ABLIM1: variants seen among roughly 807,000 people sequenced by gnomAD.
ABLIM1 encodes the protein actin-binding LIM protein 1.
ABLIM1 carries 40 observed loss-of-function variants against 107.0 expected under a neutral mutation model. The observed-to-expected ratio is 0.37, with a 90% confidence interval of 0.29 to 0.49. The LOEUF (loss-of-function observed/expected upper bound fraction) is 0.49, where lower values mean the gene tolerates loss of function less well. ABLIM1 is among the 20% of genes least tolerant of loss of function. The pLI, the probability that ABLIM1 is intolerant of heterozygous loss-of-function variation, is 0.97. For missense variants in ABLIM1, 857 were observed against 1,008.5 expected (o/e 0.85, Z 2.04); for synonymous variants, 357 against 357.3 (o/e 1.00, Z 0.01).
rs987750556 is a variant in ABLIM1 at position 114,606,483 on chromosome 10, C to T, written c.245-4522G>A. On this transcript the variant is annotated intron_variant, in intron 1 of 22. Transcript: ENST00000533213. ...TCTCTTGACCTTGTGATCCGCCCGC[C>T]GTGGCCTCCCAAAGTGCTGAGATTA... Among the ~76,000 whole-genome samples, 6 of 152,252 alleles carry T rather than the reference C, an allele frequency of 3.9e-5. No homozygotes were observed. In the East Asian group the frequency reaches 5.8e-4, roughly 15 times the overall value.
At chr10:114,526,999 A>G in intron 6 of ABLIM1, 1 of 982,818 alleles carries the variant, frequency 1.0e-6, no homozygotes, top group Non-Finnish European at 1.2e-6. Flanking sequence ...GAGGGGGAGT[A>G]GATTTACTTT....
At chr10:114,536,227 G>C (rs374173684) in intron 6 of ABLIM1, among the ~76,000 whole-genome samples, 1,729 of 56,234 alleles carry the variant, frequency 0.031, 25 homozygotes, top group African/African-American at 0.094. Context: ...TTCTTTCTTT[G>C]TTTTTTTTTT....
In ABLIM1 at chr10:114,436,254, T is replaced by A. The variant is rs1400101017; in HGVS notation, c.*6A>T. On this transcript the variant is annotated 3_prime_UTR_variant, in exon 23 of 23. Coordinates refer to ENST00000533213, the MANE Select transcript of ABLIM1 (RefSeq NM_002313.7). ...CCTTTCTCTAATTGCCATTCACGAG[T>A]GGGACTTAGAAGAGTTTTGCTTTTT... 5 of 1,607,396 alleles carry A rather than the reference T, an allele frequency of 3.1e-6. No individual in the cohort carries two copies. In the Admixed American group the frequency reaches 5.0e-5, roughly 16 times the overall value.
chr10:114,760,404 T>TCACACACACA (rs3981296), intron 1 of ABLIM1, among the ~76,000 whole-genome samples: 1 of 143,630 alleles, frequency 7.0e-6, no homozygotes, highest in Non-Finnish European at 1.5e-5. Flanking sequence ...AATTTCTCCT[T>TCACACACACA]CACACACACA....
chr10:114,504,210 C>T (rs968698757), intron 6 of ABLIM1, among the ~76,000 whole-genome samples: 1 of 152,134 alleles, frequency 6.6e-6, no homozygotes, highest in Non-Finnish European at 1.5e-5. Flanking sequence ...GTTAACAATA[C>T]CCTTTGTACT....
chr10:114,728,025 AAAC>A (rs1392927045), intron 1 of ABLIM1, among the ~76,000 whole-genome samples: 1 of 152,254 alleles, frequency 6.6e-6, no homozygotes, highest in East Asian at 1.9e-4. Context: ...CAGAATTTAC[AAAC>A]AACACCTACA....
At chr10:114,792,402 T>C in the ABLIM1 span, among the ~76,000 whole-genome samples, 1 of 152,240 alleles carries the variant, frequency 6.6e-6, no homozygotes, top group Admixed American at 6.5e-5. Context: ...AGTATTCTTA[T>C]AAGCTTTATT....
chr10:114,437,750 G>C, intron 22 of ABLIM1, 94 bp downstream of exon 22: 3 of 1,049,480 alleles, frequency 2.9e-6, no homozygotes, highest in Non-Finnish European at 4.2e-6. Context: ...ATTTTTTTTT[G>C]TTTTCACTGA....
intron 6 of ABLIM1, among the ~76,000 whole-genome samples, chr10:114,535,503 G>T (rs887892552): frequency 6.6e-6 from 1 of 152,106 alleles, no homozygotes; most frequent in Non-Finnish European, 1.5e-5. Flanking sequence ...TAGAGATGGG[G>T]TTTCGCCATG....
intron 1 of ABLIM1, among the ~76,000 whole-genome samples, chr10:114,756,066 T>A (rs1419635413): frequency 8.0e-6 from 1 of 125,258 alleles, no homozygotes; most frequent in African/African-American, 2.9e-5. Flanking sequence ...TCCATAGGAA[T>A]TGTGAGTGTG....
At chr10:114,571,148 T>A (rs2071621147) in intron 4 of ABLIM1, 149 bp downstream of exon 4, 1 of 683,888 alleles carries the variant, frequency 1.5e-6, no homozygotes, top group African/African-American at 1.8e-5. Flanking sequence ...CTGTTGGCCA[T>A]TTTAATGTCA....
upstream of ABLIM1, among the ~76,000 whole-genome samples, chr10:114,686,754 G>A (rs377267393): frequency 9.9e-5 from 15 of 151,232 alleles, no homozygotes; most frequent in South Asian, 1.0e-3. Flanking sequence ...TCAGCCTCCC[G>A]AGTAGCTGGG....
chr10:114,644,978 A>G (rs2078951482), intron 1 of ABLIM1, among the ~76,000 whole-genome samples: 1 of 152,146 alleles, frequency 6.6e-6, no homozygotes, highest in Admixed American at 6.5e-5. Context: ...CTGGGTTCCT[A>G]TCCCCCATCT....
At chr10:114,552,950 G>GCTA (rs1340718217) in intron 4 of ABLIM1, among the ~76,000 whole-genome samples, 2 of 152,222 alleles carry the variant, frequency 1.3e-5, no homozygotes, top group Middle Eastern at 3.2e-3. Flanking sequence ...ACATCCCAGA[G>GCTA]CTATGAAAGA....
intron 21 of ABLIM1, 83 bp downstream of exon 21, chr10:114,439,093 G>C: frequency 6.5e-7 from 1 of 1,527,372 alleles, no homozygotes; most frequent in Non-Finnish European, 9.1e-7. Flanking sequence ...ACAACACTTT[G>C]AGAATGATGA....
At chr10:114,615,816 A>G (rs1053841029) in intron 1 of ABLIM1, among the ~76,000 whole-genome samples, 5 of 141,104 alleles carry the variant, frequency 3.5e-5, no homozygotes, top group African/African-American at 1.3e-4. Flanking sequence ...TCTGACTCAG[A>G]AAAAAAAAAA....
At chr10:114,773,678 C>T in the ABLIM1 span, among the ~76,000 whole-genome samples, 10 of 152,036 alleles carry the variant, frequency 6.6e-5, no homozygotes, top group African/African-American at 1.2e-4. Context: ...GCTGAGATTG[C>T]GCCACTGCAC....
intron 1 of ABLIM1, among the ~76,000 whole-genome samples, chr10:114,760,152 G>C (rs145616990): frequency 2.6e-5 from 4 of 151,958 alleles, no homozygotes; most frequent in Non-Finnish European, 5.9e-5. Context: ...TGCTGCAGGA[G>C]AGAGGTTCAA....
chr10:114,616,069 A>G (rs1205957708), intron 1 of ABLIM1, among the ~76,000 whole-genome samples: 1 of 152,138 alleles, frequency 6.6e-6, no homozygotes, highest in Non-Finnish European at 1.5e-5. Context: ...GCGGTGGCTC[A>G]CACGTGTAAT....
Sources: gnomAD v4.1 joint callset for allele counts (sites outside exome capture counted in the v4.1 genomes callset) on GRCh38, gnomAD v4.1.1 for gene constraint, MANE v1.5 for transcripts, NCBI Gene and HGNC (gene_info 2026-07-23, HGNC 2026-07-21) for gene names.